Variants in FBXW10 observed in about 807,000 individuals in gnomAD.
FBXW10 encodes F-box/WD repeat-containing protein 10.
FBXW10 carries 68 observed loss-of-function variants against 113.1 expected under a neutral mutation model. That is an observed-to-expected ratio of 0.60 (90% confidence interval 0.49 to 0.74). FBXW10 has a LOEUF of 0.74. FBXW10 is among the 30% of genes least tolerant of loss of function. The pLI is 0.00. For synonymous variants in FBXW10, 289 were observed against 481.6 expected, an observed-to-expected ratio of 0.60 and a Z score of 5.24; for missense variants, 753 against 1,284.5, an observed-to-expected ratio of 0.59 and a Z score of 6.32.
At chr17:18,771,135 C>CA (rs2035605490) in intron 11 of FBXW10, among the ~76,000 whole-genome samples, 1 of 151,776 alleles carries the variant, frequency 6.6e-6, no homozygotes, top group African/African-American at 2.4e-5. Context: ...AAACTCTGGC[C>CA]ATTTTTTACT....
chr17:18,766,584 C>A (rs1597600244), intron 8 of FBXW10, 130 bp from the exon 9 acceptor site: 1 of 1,244,668 alleles, frequency 8.0e-7, no homozygotes, highest in Non-Finnish European at 1.1e-6. Context: ...ACGGGAAGTC[C>A]TTCTAGAATC....
chr17:18,747,207 T>G (rs1166712110), intron 1 of FBXW10, among the ~76,000 whole-genome samples: 1 of 152,166 alleles, frequency 6.6e-6, no homozygotes, highest in Non-Finnish European at 1.5e-5. Context: ...ATTACAGGCA[T>G]GAACCATCAC....
chr17:18,778,760 A>G lies in FBXW10; in HGVS notation c.2621A>G (p.Asn874Ser). ...QRAVDRLRLS[N>S]PPIDVKRTSI... ...GCAGTTGATCGGTTGAGATTGAGCA[A>G]TCCTCCTATAGATGTGAAACGAACC... The change falls in exon 14 of 14, where the codon AAT (asparagine) becomes AGT (serine). Residue 874 changes from asparagine to serine, a missense_variant. By Grantham distance (46) the Asn-to-Ser change is conservative. Coordinates refer to ENST00000395665, the MANE Select transcript of FBXW10 (RefSeq NM_001267585.2). 1 of 1,613,734 alleles carries G rather than the reference A, an allele frequency of 6.2e-7. No individual in the cohort carries two copies. The highest frequency in any genetic ancestry group is 8.5e-7 in the Non-Finnish European group (1 of 1,179,764).
Position 18,756,105 on chromosome 17 carries a change from G to T in FBXW10, c.1183G>T (p.Glu395Ter), listed in dbSNP as rs1567617969. Reference protein sequence around the residue: ...NEETQQVLIEERNVFCGTYNV... With the variant: ...NEETQQVLIE Reference sequence around the variant, plus strand: ...GGAAACGCAGCAGGTCCTGATAGAGGAGAGAAATGTTTTCTGTGGGACCTA... The same window carrying T: ...GGAAACGCAGCAGGTCCTGATAGAGTAGAGAAATGTTTTCTGTGGGACCTA... Residue 395 changes from glutamate (E) to a stop codon, truncating the protein, a stop_gained, in exon 6 of 14, where the codon GAG (glutamate) becomes TAG (stop). Transcript: ENST00000395665. LOFTEE classifies it high-confidence loss of function. 1.2e-6 allele frequency: 2 copies of T among 1,613,876 alleles called. No homozygotes were observed.
rs758295600 is a variant in FBXW10, at chr17:18,778,883, G to A, written c.2744G>A (p.Arg915His). 1.2e-5 allele frequency: 20 copies of A among 1,613,684 alleles called. No homozygotes were observed. The South Asian group carries it at 1.5e-4, about 12-fold the overall frequency. Reference sequence around the variant, plus strand: ...ACCATACCCCAGCCCATGATTATCCGCTCCAGGTTCTCTGGCAGCTTAAAG... The same window carrying A: ...ACCATACCCCAGCCCATGATTATCCACTCCAGGTTCTCTGGCAGCTTAAAG... ...QSTIPQPMIIRSRFSGSLKGG... is the reference protein window; with the variant it reads ...QSTIPQPMIIHSRFSGSLKGG... The change falls in exon 14 of 14, where the codon CGC (arginine) becomes CAC (histidine). Residue 915 changes from arginine to histidine, a missense_variant. By Grantham distance (29) the Arg-to-His change is conservative. Transcript: ENST00000395665.
chr17:18,746,862 G>A (rs908664871), intron 1 of FBXW10, among the ~76,000 whole-genome samples: 25 of 151,768 alleles, frequency 1.6e-4, no homozygotes, highest in African/African-American at 6.1e-4. Flanking sequence ...TTCACCATAG[G>A]AATGGGCTAT....
chr17:18,769,661 C>T (rs2035569290), intron 10 of FBXW10: 16 of 400,670 alleles, frequency 4.0e-5, no homozygotes, highest in Middle Eastern at 6.8e-4. Flanking sequence ...ACTGTAATCC[C>T]AGCTACTTGG....
chr17:18,757,858 C>G (rs1334675666), intron 6 of FBXW10, among the ~76,000 whole-genome samples: 3 of 152,152 alleles, frequency 2.0e-5, no homozygotes, highest in African/African-American at 7.2e-5. Context: ...TATCTACTAG[C>G]ACAGGACTTT....
At chr17:18,751,697 C>A (rs1250493302) in intron 5 of FBXW10, among the ~76,000 whole-genome samples, 3 of 152,338 alleles carry the variant, frequency 2.0e-5, no homozygotes, top group Admixed American at 6.5e-5. Context: ...ACCCCATCAG[C>A]CCATGCCTCT....
intron 5 of FBXW10, 52 bp from the exon 6 acceptor site, chr17:18,755,993 G>C: frequency 1.3e-6 from 2 of 1,553,414 alleles, no homozygotes; most frequent in Non-Finnish European, 1.8e-6. Context: ...CTCTGGGACT[G>C]TGGGTATTTG....
chr17:18,772,763 G>C, intron 12 of FBXW10, 80 bp downstream of exon 12: 1 of 1,250,746 alleles, frequency 8.0e-7, no homozygotes, highest in Non-Finnish European at 1.1e-6. Context: ...GGGAGACGGG[G>C]AGGACTGGTT....
chr17:18,745,789 AG>A (rs1266259794), intron 1 of FBXW10, among the ~76,000 whole-genome samples: 1 of 152,250 alleles, frequency 6.6e-6, no homozygotes, highest in Non-Finnish European at 1.5e-5. Context: ...TGAGAATCAC[AG>A]GCCTAGGGTG....
intron 13 of FBXW10, among the ~76,000 whole-genome samples, chr17:18,776,456 ACT>A (rs1282406929): frequency 2.0e-5 from 3 of 152,138 alleles, no homozygotes; most frequent in African/African-American, 4.8e-5. Context: ...TTTGGAACAA[ACT>A]CTGTGCAGAG....
intron 8 of FBXW10, among the ~76,000 whole-genome samples, chr17:18,765,104 A>G (rs966622336): frequency 6.6e-6 from 1 of 152,212 alleles, no homozygotes; most frequent in African/African-American, 2.4e-5. Flanking sequence ...GGAGAAAAAA[A>G]ATAATAGGAT....
chr17:18,771,521 TCTCA>T (rs546518495), intron 11 of FBXW10, among the ~76,000 whole-genome samples: 11 of 152,210 alleles, frequency 7.2e-5, no homozygotes, highest in Non-Finnish European at 1.5e-4. Flanking sequence ...TTAGAAATCA[TCTCA>T]CTTTATAAAG....
chr17:18,771,106 A>C (rs1012908798), intron 11 of FBXW10, among the ~76,000 whole-genome samples: 1 of 123,370 alleles, frequency 8.1e-6, no homozygotes, highest in Non-Finnish European at 1.8e-5. Flanking sequence ...TCATGCTGCT[A>C]AAAAAAAAAA....
chr17:18,750,143 TC>T lies in FBXW10; in HGVS notation c.999+8del, dbSNP rs1353546318. 5.0e-6 allele frequency: 8 copies of T among 1,593,610 alleles called. No individual in the cohort carries two copies. The highest frequency in any genetic ancestry group is 6.9e-6 in the Non-Finnish European group (8 of 1,165,530). On this transcript the variant is annotated splice_region_variant and intron_variant, in intron 4 of 13. Coordinates refer to ENST00000395665, the MANE Select transcript of FBXW10 (RefSeq NM_001267585.2). ...ACCAGATTACCTTCTTGCAGGTACT[TC>T]CTGCAAGTCTGAAAGGGGAATGTCT...
chr17:18,773,324 C>A (rs1210552740), intron 12 of FBXW10, among the ~76,000 whole-genome samples: 10 of 152,128 alleles, frequency 6.6e-5, no homozygotes, highest in Admixed American at 6.6e-4. Context: ...AGCAAGCAAC[C>A]AATACCCCCA....
intron 12 of FBXW10, among the ~76,000 whole-genome samples, chr17:18,773,834 A>G (rs2035657823): frequency 1.3e-5 from 2 of 152,222 alleles, no homozygotes; most frequent in East Asian, 1.9e-4. Context: ...GATCTAGCTA[A>G]AAGAGTTTAC....
Sources: gnomAD v4.1 joint callset for allele counts (sites outside exome capture counted in the v4.1 genomes callset) on GRCh38, gnomAD v4.1.1 for gene constraint, MANE v1.5 for transcripts, NCBI Gene and HGNC (gene_info 2026-07-23, HGNC 2026-07-21) for gene names.